The following PRKN variants were observed in gnomAD, a reference collection of about 807,000 sequenced individuals.
The protein encoded by PRKN is E3 ubiquitin-protein ligase parkin.
In PRKN, 56 loss-of-function variants were observed where a neutral mutation model predicts 59.5. The ratio of observed to expected loss-of-function variants is 0.94; its 90% CI spans 0.76 to 1.18. The LOEUF (loss-of-function observed/expected upper bound fraction) is 1.18. PRKN is among the 50% of genes most tolerant of loss of function. The pLI, the probability that PRKN is intolerant of heterozygous loss-of-function variation, is 0.00. For missense variants in PRKN, 657 were observed against 596.4 expected (o/e 1.10, Z -1.06); for synonymous variants, 250 against 222.1 (o/e 1.13, Z -1.12).
At chr6:162,396,442 G>A (rs949257513) in intron 2 of PRKN, among the ~76,000 whole-genome samples, 7 of 151,976 alleles carry the variant, frequency 4.6e-5, no homozygotes, top group African/African-American at 1.2e-4. Context: ...GGAACGATGG[G>A]TATCACTTCC....
intron 6 of PRKN, among the ~76,000 whole-genome samples, chr6:161,942,745 T>A (rs1779612408): frequency 6.6e-6 from 1 of 152,136 alleles, no homozygotes; most frequent in Admixed American, 6.5e-5. Flanking sequence ...TTCATATCAT[T>A]TATTTGGAAA....
intron 1 of PRKN, among the ~76,000 whole-genome samples, chr6:162,537,207 C>A (rs1415006744): frequency 6.6e-6 from 1 of 152,112 alleles, no homozygotes; most frequent in Non-Finnish European, 1.5e-5. Context: ...AAATATCTGA[C>A]ACACAGTAGC....
At chr6:162,477,939 C>T (rs369688169) in intron 1 of PRKN, among the ~76,000 whole-genome samples, 6 of 152,114 alleles carry the variant, frequency 3.9e-5, no homozygotes, top group East Asian at 1.9e-4. Flanking sequence ...TCCTGTTTCC[C>T]GGCTTCTGCA....
chr6:162,090,917 T>C (rs1779467223), intron 4 of PRKN, among the ~76,000 whole-genome samples: 1 of 152,208 alleles, frequency 6.6e-6, no homozygotes, highest in African/African-American at 2.4e-5. Flanking sequence ...TGGTAATTCG[T>C]GGCCACAAAA....
Position 161,419,069 on chromosome 6 carries a change from G to C in PRKN, c.1084-32192C>G, listed in dbSNP as rs1027107077. 1.3e-5 allele frequency among the ~76,000 whole-genome samples: 2 copies of C among 152,184 alleles called. No individual in the cohort carries two copies. The highest frequency in any genetic ancestry group is 6.5e-5 in the Admixed American group (1 of 15,272). On this transcript the variant is annotated intron_variant, in intron 9 of 11. Transcript: ENST00000366898. This position sits in a 1 kb window ranked among gnomAD's most constrained non-coding sequence, Gnocchi z 4.1. ...ACACATCGTTTACATGAAGGACATG[G>C]AATTATAAGTTCACACAGTGACACA...
chr6:162,264,601 C>T (rs1429671903), intron 2 of PRKN: 1 of 152,484 alleles, frequency 6.6e-6, no homozygotes, highest in African/African-American at 2.4e-5. Context: ...ACTCTTACAC[C>T]CTGGGGCTCC....
chr6:162,620,039 T>A (rs1044448521), intron 1 of PRKN, among the ~76,000 whole-genome samples: 1 of 102,314 alleles, frequency 9.8e-6, no homozygotes, highest in African/African-American at 4.1e-5. Context: ...CCAAAATATA[T>A]CAAATACATA....
rs1214463711 is a variant in PRKN at position 162,439,988 on chromosome 6, C to T, written c.171+3322G>A. 3.3e-5 allele frequency among the ~76,000 whole-genome samples: 5 copies of T among 152,098 alleles called. 1 individual carries two copies. Among genetic ancestry groups the T allele is most frequent in the African/African-American group, 9.7e-5 (4 of 41,398 alleles). On this transcript the variant is annotated intron_variant, in intron 2 of 11. Coordinates refer to ENST00000366898, the MANE Select transcript of PRKN (RefSeq NM_004562.3). Reference sequence around the variant, plus strand: ...TGGCACCCCTAACTCCATGACTCCACGAGTCAACTGTACAATATGCAATGT... The same window carrying T: ...TGGCACCCCTAACTCCATGACTCCATGAGTCAACTGTACAATATGCAATGT...
Position 162,358,537 on chromosome 6 carries a change from A to G in PRKN, c.171+84773T>C, listed in dbSNP as rs192995089. Among the ~76,000 whole-genome samples, 313 of 152,314 alleles carry G rather than the reference A, an allele frequency of 2.1e-3. 1 individual carries two copies. The highest frequency in any genetic ancestry group is 6.8e-3 in the Middle Eastern group (2 of 294). On this transcript the variant is annotated intron_variant, in intron 2 of 11. Transcript: ENST00000366898. Reference sequence around the variant, plus strand: ...AAATTTACATTTCTCTGTTCATAAAAGAACTTATTTTTGGTTTCTTATCTT... The same window carrying G: ...AAATTTACATTTCTCTGTTCATAAAGGAACTTATTTTTGGTTTCTTATCTT...
chr6:161,537,180 A>G (rs1316585606), intron 9 of PRKN, among the ~76,000 whole-genome samples: 2 of 152,342 alleles, frequency 1.3e-5, no homozygotes, highest in East Asian at 3.9e-4. Context: ...TAGCTTTTCT[A>G]CGTACTTCCT....
chr6:161,395,221 C>T lies in PRKN; in HGVS notation c.1084-8344G>A, dbSNP rs1330946889. 6.6e-6 allele frequency among the ~76,000 whole-genome samples: 1 copy of T among 152,130 alleles called. No individual in the cohort carries two copies. The highest frequency in any genetic ancestry group is 1.5e-5 in the Non-Finnish European group (1 of 68,042). On this transcript the variant is annotated intron_variant, in intron 9 of 11. Coordinates refer to ENST00000366898, the MANE Select transcript of PRKN (RefSeq NM_004562.3). The surrounding 1 kb of genome is among the most constrained non-coding windows in gnomAD (Gnocchi z 5.0). ...TTTTAAACAAAAATACCCTATAAAA[C>T]ATTGTATAATGTGCTGTACTCTGCT...
chr6:162,369,924 G>A (rs901166258), intron 2 of PRKN, among the ~76,000 whole-genome samples: 6 of 152,106 alleles, frequency 3.9e-5, no homozygotes, highest in African/African-American at 1.4e-4. Context: ...CTCGTCATGG[G>A]GTCAGTGGAA....
At chr6:162,409,998 C>T (rs146963522) in intron 2 of PRKN, among the ~76,000 whole-genome samples, 208 of 152,266 alleles carry the variant, frequency 1.4e-3, no homozygotes, top group African/African-American at 4.9e-3. Flanking sequence ...TTCAATACAG[C>T]AGCTTTCATC....
chr6:161,642,751 G>A (rs1208249083), intron 7 of PRKN, among the ~76,000 whole-genome samples: 2 of 152,172 alleles, frequency 1.3e-5, no homozygotes, highest in Non-Finnish European at 2.9e-5. Context: ...AAGAATTTCT[G>A]GTGAGAAGAG....
intron 4 of PRKN, among the ~76,000 whole-genome samples, chr6:162,172,870 A>C (rs1382193489): frequency 6.6e-6 from 1 of 152,160 alleles, no homozygotes; most frequent in Non-Finnish European, 1.5e-5. Flanking sequence ...GAGGCAGATA[A>C]GCACAGAGTC....
chr6:161,491,447 G>A (rs1325244447), intron 9 of PRKN, among the ~76,000 whole-genome samples: 2 of 152,250 alleles, frequency 1.3e-5, no homozygotes, highest in East Asian at 1.9e-4. Flanking sequence ...GAGTCTAAGA[G>A]TATAATGTGA....
chr6:161,997,834 G>A (rs780531038), intron 5 of PRKN, among the ~76,000 whole-genome samples: 1 of 152,192 alleles, frequency 6.6e-6, no homozygotes, highest in Non-Finnish European at 1.5e-5. Flanking sequence ...AACACCTGGT[G>A]CTCAATGAAT....
intron 6 of PRKN, among the ~76,000 whole-genome samples, chr6:161,879,214 A>G (rs1010676722): frequency 1.3e-5 from 2 of 152,104 alleles, no homozygotes; most frequent in Admixed American, 6.5e-5. Flanking sequence ...AGAGTCAAAT[A>G]TGGGTTGAAG....
Position 161,695,451 on chromosome 6 carries a change from T to A in PRKN, c.871+90321A>T, listed in dbSNP as rs117839159. Among the ~76,000 whole-genome samples the A allele has an allele frequency of 4.8e-3, 727 of 152,276 alleles. 5 individuals are homozygous for A. Among genetic ancestry groups the A allele is most frequent in the Middle Eastern group, 0.02 (6 of 294 alleles). ...TCTTGGTGTACTAGTAACCACCCTA[T>A]TGGGCACTCAGTGTCTTCCCAAATC... On this transcript the variant is annotated intron_variant, in intron 7 of 11. Coordinates refer to ENST00000366898, the MANE Select transcript of PRKN (RefSeq NM_004562.3).
Sources: gnomAD v4.1 joint callset for allele counts (sites outside exome capture counted in the v4.1 genomes callset) on GRCh38, gnomAD v4.1.1 for gene constraint, Gnocchi (gnomAD v3.1) non-coding constraint, MANE v1.5 for transcripts, NCBI Gene and HGNC (gene_info 2026-07-23, HGNC 2026-07-21) for gene names.